LUZP2: variants seen among roughly 807,000 people sequenced by gnomAD.
The protein encoded by LUZP2 is leucine zipper protein 2.
A neutral mutation model predicts 51.6 loss-of-function variants in LUZP2; 52 were observed. The ratio of observed to expected loss-of-function variants is 1.01; its 90% CI spans 0.81 to 1.27. LUZP2 has a LOEUF of 1.27. LUZP2 is among the 50% of genes most tolerant of loss of function. The pLI, the probability that LUZP2 is intolerant of heterozygous loss-of-function variation, is 0.00. For missense variants in LUZP2, 436 were observed against 395.4 expected (o/e 1.10, Z -0.87); for synonymous variants, 154 against 137.3 (o/e 1.12, Z -0.85).
intron 1 of LUZP2, among the ~76,000 whole-genome samples, chr11:24,645,454 A>C (rs1466245640): frequency 6.6e-6 from 1 of 152,278 alleles, no homozygotes; most frequent in East Asian, 1.9e-4. Flanking sequence ...ATAGATTGGC[A>C]TCAGTTTCTT....
intron 5 of LUZP2, among the ~76,000 whole-genome samples, chr11:24,836,518 C>A (rs1850863823): frequency 6.6e-6 from 1 of 151,660 alleles, no homozygotes; most frequent in Non-Finnish European, 1.5e-5. Context: ...TTATAACAAT[C>A]AATAAGGGGA....
intron 1 of LUZP2, among the ~76,000 whole-genome samples, chr11:24,635,857 C>G (rs948088507): frequency 7.2e-5 from 11 of 152,174 alleles, no homozygotes; most frequent in African/African-American, 2.6e-4. Flanking sequence ...AAATACAAGG[C>G]CTGCGGTGCA....
intron 9 of LUZP2, among the ~76,000 whole-genome samples, chr11:25,038,132 C>T (rs1857921897): frequency 1.3e-5 from 2 of 152,102 alleles, no homozygotes; most frequent in East Asian, 3.9e-4. Flanking sequence ...TCTCCTCTCC[C>T]AGGAATGCCA....
At chr11:25,064,726 A>T (rs968502783) in intron 10 of LUZP2, among the ~76,000 whole-genome samples, 1 of 151,940 alleles carries the variant, frequency 6.6e-6, no homozygotes, top group African/African-American at 2.4e-5. Flanking sequence ...CTCTCAATTT[A>T]AGACATGTTC....
At chr11:25,070,948 C>T (rs1295250189) in intron 10 of LUZP2, among the ~76,000 whole-genome samples, 1 of 151,846 alleles carries the variant, frequency 6.6e-6, no homozygotes, top group Non-Finnish European at 1.5e-5. Flanking sequence ...TTAGCCGTGA[C>T]CTTGAAGTTT....
At chr11:24,585,053 T>G (rs563040452) in intron 1 of LUZP2, among the ~76,000 whole-genome samples, 15 of 152,280 alleles carry the variant, frequency 9.9e-5, no homozygotes, top group African/African-American at 3.6e-4. Context: ...AGGGCCTGGG[T>G]GTGGAGGTTG....
At chr11:24,993,476 TA>T (rs567403969) in intron 9 of LUZP2, among the ~76,000 whole-genome samples, 195 of 152,304 alleles carry the variant, frequency 1.3e-3, no homozygotes, top group African/African-American at 4.6e-3. Context: ...TATCTTTTAG[TA>T]AAACATGCTC....
intron 8 of LUZP2, 59 bp downstream of exon 8, chr11:24,976,724 A>C: frequency 1.2e-6 from 1 of 855,572 alleles, no homozygotes; most frequent in African/African-American, 1.7e-5. Context: ...AAAAAAAAAA[A>C]AAAAAAGTTA....
At chr11:24,748,835 C>T (rs575066636) in intron 4 of LUZP2, among the ~76,000 whole-genome samples, 1 of 152,198 alleles carries the variant, frequency 6.6e-6, no homozygotes, top group South Asian at 2.1e-4. Context: ...CACACATACA[C>T]ATACGTAAGG....
intron 10 of LUZP2, among the ~76,000 whole-genome samples, chr11:25,071,468 A>C (rs1859156075): frequency 1.3e-5 from 2 of 152,196 alleles, no homozygotes; most frequent in Admixed American, 1.3e-4. Flanking sequence ...GTTTATATTT[A>C]AATGTAGTTT....
chr11:24,999,432 G>A (rs12803771), intron 9 of LUZP2, among the ~76,000 whole-genome samples: 3 of 149,692 alleles, frequency 2.0e-5, no homozygotes, highest in Admixed American at 1.3e-4. Flanking sequence ...AGGAGGAGGA[G>A]GAAGAAGGAG....
chr11:24,765,200 A>G lies in LUZP2; in HGVS notation c.396+1892A>G, dbSNP rs557658242. On this transcript the variant is annotated intron_variant, in intron 5 of 11. Transcript: ENST00000336930. ...CGCATGTAGAGATTAAGGCAGATTT[A>G]TTTAATGAAATAACTGGTGTATACA... Among the ~76,000 whole-genome samples, 3 of 152,328 alleles carry G rather than the reference A, an allele frequency of 2.0e-5. No individual in the cohort carries two copies. The East Asian group carries it at 5.8e-4, about 29-fold the overall frequency.
chr11:25,065,318 A>T lies in LUZP2; in HGVS notation c.859-12011A>T, dbSNP rs577475182. Among the ~76,000 whole-genome samples, 5 of 152,110 alleles carry T rather than the reference A, an allele frequency of 3.3e-5. No individual in the cohort carries two copies. The South Asian group carries it at 1.0e-3, about 32-fold the overall frequency. On this transcript the variant is annotated intron_variant, in intron 10 of 11. Coordinates refer to ENST00000336930, the MANE Select transcript of LUZP2 (RefSeq NM_001009909.4). Reference sequence around the variant, plus strand: ...TATTAACATTGCCTGCTGCTGTCATAATTGCCTATAACATTAATCCTTATG... The same window carrying T: ...TATTAACATTGCCTGCTGCTGTCATTATTGCCTATAACATTAATCCTTATG...
chr11:24,877,402 C>G (rs1002256964), intron 5 of LUZP2, among the ~76,000 whole-genome samples: 1 of 142,304 alleles, frequency 7.0e-6, no homozygotes, highest in Non-Finnish European at 1.5e-5. Flanking sequence ...CAACCTCCAA[C>G]TCTAAGCTTT....
chr11:24,792,869 G>A (rs1446869928), intron 5 of LUZP2, among the ~76,000 whole-genome samples: 1 of 152,134 alleles, frequency 6.6e-6, no homozygotes, highest in African/African-American at 2.4e-5. Context: ...AGATGTACAC[G>A]AGCTGGAATG....
At chr11:24,565,320 T>C (rs1244477947) in intron 1 of LUZP2, among the ~76,000 whole-genome samples, 1 of 152,160 alleles carries the variant, frequency 6.6e-6, no homozygotes, top group Admixed American at 6.6e-5. Context: ...CCTTTATATT[T>C]AGTAAGACCC....
At chr11:24,812,272 C>T (rs1850045348) in intron 5 of LUZP2, among the ~76,000 whole-genome samples, 1 of 152,062 alleles carries the variant, frequency 6.6e-6, no homozygotes, top group East Asian at 1.9e-4. Flanking sequence ...TCAATATCAC[C>T]TTGAGATCCT....
At chr11:24,835,660 G>A (rs1041666838) in intron 5 of LUZP2, among the ~76,000 whole-genome samples, 2 of 152,024 alleles carry the variant, frequency 1.3e-5, no homozygotes, top group African/African-American at 4.8e-5. Context: ...AACAGACAGA[G>A]CTAGATGAAA....
At chr11:24,646,468 C>A (rs1855465790) in intron 1 of LUZP2, 1 of 345,654 alleles carries the variant, frequency 2.9e-6, no homozygotes, top group Non-Finnish European at 4.1e-6. Flanking sequence ...CTATCAGAGA[C>A]TCAGAGTTTC....
Sources: gnomAD v4.1 joint callset for allele counts (sites outside exome capture counted in the v4.1 genomes callset) on GRCh38, gnomAD v4.1.1 for gene constraint, MANE v1.5 for transcripts, NCBI Gene and HGNC (gene_info 2026-07-23, HGNC 2026-07-21) for gene names.